The following PJA2 variants were observed in gnomAD, a reference collection of about 807,000 sequenced individuals.
PJA2 encodes praja ring finger ubiquitin ligase 2, also known as E3 ubiquitin-protein ligase Praja-2.
PJA2 carries 25 observed loss-of-function variants against 69.3 expected under a neutral mutation model. The ratio of observed to expected loss-of-function variants is 0.36; its 90% CI spans 0.26 to 0.50. The LOEUF (loss-of-function observed/expected upper bound fraction) is 0.50, where lower values mean the gene tolerates loss of function less well. Among genes scored for constraint, PJA2 ranks in the 20% least tolerant of loss-of-function variants. The pLI is 0.96. For missense variants in PJA2, 809 were observed against 830.2 expected (o/e 0.97, Z 0.31); for synonymous variants, 308 against 277.8 (o/e 1.11, Z -1.08).
At chr5:109,367,155 T>C (rs1762598040) in intron 5 of PJA2, among the ~76,000 whole-genome samples, 1 of 147,464 alleles carries the variant, frequency 6.8e-6, no homozygotes, top group South Asian at 2.1e-4. Context: ...TATATATATA[T>C]ATATATATAT....
chr5:109,371,809 GA>G (rs370765456), intron 4 of PJA2, among the ~76,000 whole-genome samples: 1 of 152,236 alleles, frequency 6.6e-6, no homozygotes, highest in African/African-American at 2.4e-5. Flanking sequence ...CTTAAGGTAC[GA>G]TAGTTGAGAA....
At chr5:109,372,472 GTTT>G (rs1762688964) in intron 4 of PJA2, among the ~76,000 whole-genome samples, 1 of 152,072 alleles carries the variant, frequency 6.6e-6, no homozygotes, top group African/African-American at 2.4e-5. Flanking sequence ...TAGACTTCTT[GTTT>G]ACTCAGTGCA....
intron 4 of PJA2, 106 bp downstream of exon 4, chr5:109,378,098 G>T (rs183719928): frequency 3.9e-6 from 3 of 762,136 alleles, no homozygotes; most frequent in Non-Finnish European, 6.4e-6. Flanking sequence ...AAGTCAAAAT[G>T]TCTAATTCCC....
In PJA2 at chr5:109,379,084, T is replaced by C. The variant is rs375226702; in HGVS notation, c.403A>G (p.Ser135Gly). 1 of 1,614,144 alleles carries C rather than the reference T, an allele frequency of 6.2e-7. No individual in the cohort carries two copies. The highest frequency in any genetic ancestry group is 8.5e-7 in the Non-Finnish European group (1 of 1,180,016). Residue 135 changes from serine (S) to glycine (G), a missense_variant, in exon 4 of 10, where the codon AGT becomes GGT. Transcript: ENST00000361189. ...SEEGRDTLGS[S>G]TNLHNHSEGE... ...TCAGAGTGATTATGAAGATTTGTAC[T>C]GCTTCCTAAGGTATCCCTGCCTTCC...
At chr5:109,393,047 A>C (rs561466712) in intron 1 of PJA2, among the ~76,000 whole-genome samples, 1 of 152,360 alleles carries the variant, frequency 6.6e-6, no homozygotes, top group East Asian at 1.9e-4. Flanking sequence ...TACCATTCAG[A>C]GACTGAAAAG....
intron 4 of PJA2, among the ~76,000 whole-genome samples, chr5:109,373,913 A>T (rs1011862963): frequency 6.6e-6 from 1 of 152,226 alleles, no homozygotes; most frequent in East Asian, 1.9e-4. Context: ...AACCAAAAGT[A>T]ATCTCTCATT....
At chr5:109,365,134 T>C (rs1230480584) in intron 5 of PJA2, among the ~76,000 whole-genome samples, 2 of 152,216 alleles carry the variant, frequency 1.3e-5, no homozygotes, top group African/African-American at 2.4e-5. Flanking sequence ...GGCTTCCAGT[T>C]ATTTCTCCTA....
chr5:109,369,140 G>A (rs1460712692), intron 4 of PJA2, among the ~76,000 whole-genome samples: 3 of 152,016 alleles, frequency 2.0e-5, no homozygotes, highest in African/African-American at 4.8e-5. Flanking sequence ...TTCCTGTACA[G>A]CCTGCTGAAC....
chr5:109,354,448 T>TTGGATATCTATATC (rs1762367638), intron 7 of PJA2, among the ~76,000 whole-genome samples: 1 of 135,680 alleles, frequency 7.4e-6, no homozygotes, highest in Non-Finnish European at 1.6e-5. Flanking sequence ...TGTCTATAGA[T>TTGGATATCTATATC]TAGATATCTA....
chr5:109,362,065 A>G (rs1448248631), intron 6 of PJA2, among the ~76,000 whole-genome samples: 1 of 152,228 alleles, frequency 6.6e-6, no homozygotes, highest in African/African-American at 2.4e-5. Flanking sequence ...TTTAACTGGA[A>G]AAACAACACA....
chr5:109,404,049 C>G (rs2127019720), intron 1 of PJA2, among the ~76,000 whole-genome samples: 1 of 150,712 alleles, frequency 6.6e-6, no homozygotes, highest in Middle Eastern at 3.4e-3. Flanking sequence ...CCAGCCTGGG[C>G]AACAGAGCAA....
chr5:109,394,125 G>T, intron 1 of PJA2, among the ~76,000 whole-genome samples: 1 of 133,222 alleles, frequency 7.5e-6, no homozygotes, highest in African/African-American at 2.8e-5. Flanking sequence ...TTGGCTCACT[G>T]CAACATCCGC....
intron 3 of PJA2, 95 bp from the exon 4 acceptor site, chr5:109,379,349 TTAC>T (rs1421872379): frequency 1.2e-6 from 1 of 868,366 alleles, no homozygotes; most frequent in Non-Finnish European, 1.7e-6. Context: ...ATACCAATTA[TTAC>T]TACTTGAATA....
rs185832932 is a variant in PJA2, at chr5:109,354,378, G to C, written c.1764+1537C>G. Among the ~76,000 whole-genome samples the C allele has an allele frequency of 3.7e-5, 5 of 135,756 alleles. No individual in the cohort carries two copies. The East Asian group carries it at 1.1e-3, about 31-fold the overall frequency. 89.1% of individuals were successfully genotyped at this position (135,756 alleles called of 152,430 possible). On this transcript the variant is annotated intron_variant, in intron 7 of 9. Transcript: ENST00000361189. ...ATATCTATATCTAGAGATATCTATAGATTAGATATCTCTGATATCTAGAGA... is the reference window on the plus strand; with the variant it reads ...ATATCTATATCTAGAGATATCTATACATTAGATATCTCTGATATCTAGAGA...
chr5:109,338,078 C>T (rs1298060309), intron 9 of PJA2, among the ~76,000 whole-genome samples: 2 of 152,064 alleles, frequency 1.3e-5, no homozygotes, highest in African/African-American at 4.8e-5. Flanking sequence ...TATAGAGCTA[C>T]GTTATCTGAT....
At chr5:109,394,053 T>TC (rs1747348446) in intron 1 of PJA2, among the ~76,000 whole-genome samples, 1 of 144,130 alleles carries the variant, frequency 6.9e-6, no homozygotes, top group Non-Finnish European at 1.5e-5. Flanking sequence ...TTTTTTTTTT[T>TC]TTTTTTTTTT....
intron 1 of PJA2, among the ~76,000 whole-genome samples, chr5:109,390,011 A>G (rs1224529403): frequency 1.3e-5 from 2 of 151,976 alleles, no homozygotes; most frequent in African/African-American, 4.8e-5. Context: ...TTTATGACCC[A>G]GAATATTTTT....
rs1241247191 is a variant in PJA2 at position 109,344,229 on chromosome 5, A to G, written c.1962T>C (p.His654=). Residue 654 remains histidine, a synonymous_variant, in exon 9 of 10, where the codon CAT becomes CAC. Transcript: ENST00000361189. ...DDIATELPCH[H]FFHKPCVSIW... The stretch of plus-strand genomic sequence containing the variant: ...TTGAGACACAAGGTTTGTGAAAGAA[A>G]TGGTGACAGGGCAACTCTGTTGCTA... 1.2e-6 allele frequency: 2 copies of G among 1,611,112 alleles called. No homozygotes were observed. Among genetic ancestry groups the G allele is most frequent in the South Asian group, 2.2e-5 (2 of 90,390 alleles).
At chr5:109,360,738 T>C (rs1278541015) in intron 6 of PJA2, among the ~76,000 whole-genome samples, 1 of 152,212 alleles carries the variant, frequency 6.6e-6, no homozygotes. Flanking sequence ...TCGGGACCAC[T>C]AGTAAGGTTT....
Sources: gnomAD v4.1 joint callset for allele counts (sites outside exome capture counted in the v4.1 genomes callset) on GRCh38, gnomAD v4.1.1 for gene constraint, MANE v1.5 for transcripts, NCBI Gene and HGNC (gene_info 2026-07-23, HGNC 2026-07-21) for gene names.